Variants in NTM observed in about 807,000 individuals in gnomAD.
NTM encodes the protein neurotrimin, also known as IgLON family member 2.
NTM carries 13 observed loss-of-function variants against 42.1 expected under a neutral mutation model. The ratio of observed to expected loss-of-function variants is 0.31; its 90% CI spans 0.20 to 0.49. NTM has a LOEUF of 0.49. Among genes scored for constraint, NTM ranks in the 20% least tolerant of loss-of-function variants. The pLI is 0.99. For synonymous variants in NTM, 187 were observed against 179.2 expected (o/e 1.04, Z -0.35); for missense variants, 373 against 452.8 (o/e 0.82, Z 1.60).
chr11:131,941,409 G>A (rs987067222), intron 2 of NTM, among the ~76,000 whole-genome samples: 1 of 152,176 alleles, frequency 6.6e-6, no homozygotes, highest in African/African-American at 2.4e-5. Flanking sequence ...TTCAAATCCT[G>A]TCCATAGCAG....
At chr11:131,604,799 T>C (rs1033438098) in intron 1 of NTM, among the ~76,000 whole-genome samples, 3 of 151,960 alleles carry the variant, frequency 2.0e-5, no homozygotes, top group African/African-American at 7.3e-5. Context: ...AGCATCAGTT[T>C]TTAACAAACT....
chr11:132,230,389 A>T (rs1273237186), intron 4 of NTM, among the ~76,000 whole-genome samples: 1 of 152,220 alleles, frequency 6.6e-6, no homozygotes, highest in Non-Finnish European at 1.5e-5. Context: ...TGAGGTGCAG[A>T]AATGTTAGTT....
Position 131,381,585 on chromosome 11 carries a change from G to A in NTM, c.82+10697G>A, listed in dbSNP as rs555188888. ...TTCATACTGCTAACTCCTTGTCCAA[G>A]GTCAAATAATTTAATAATTAAATCC... is the stretch of plus-strand genomic sequence containing the variant. On this transcript the variant is annotated intron_variant, in intron 1 of 8. Coordinates refer to ENST00000683400, the MANE Select transcript of NTM (RefSeq NM_001352005.2). 1.3e-3 allele frequency among the ~76,000 whole-genome samples: 191 copies of A among 152,058 alleles called. 3 individuals carry two copies. The highest frequency in any genetic ancestry group is 3.3e-3 in the South Asian group (16 of 4,806).
chr11:131,940,930 C>T (rs565117795), intron 2 of NTM, among the ~76,000 whole-genome samples: 13 of 152,278 alleles, frequency 8.5e-5, no homozygotes, highest in African/African-American at 2.6e-4. Context: ...TTTCTTAATA[C>T]GGGTGCAAAT....
Position 132,320,223 on chromosome 11 carries a change from G to A in NTM, c.934+5520G>A, listed in dbSNP as rs144417265. ...CTGGTCTACAGCTCCCAGCCTGAGC[G>A]ACGCAGAAGATGGGTGATTTCTGCA... On this transcript the variant is annotated intron_variant, in intron 7 of 8. Coordinates refer to ENST00000683400, the MANE Select transcript of NTM (RefSeq NM_001352005.2). Among the ~76,000 whole-genome samples, 1,199 of 152,330 alleles carry A rather than the reference G, an allele frequency of 7.9e-3. 15 individuals are homozygous for A. Among genetic ancestry groups the A allele is most frequent in the African/African-American group, 0.027 (1,137 of 41,580 alleles).
chr11:131,661,090 G>C (rs191109652), intron 1 of NTM: 11 of 1,260,724 alleles, frequency 8.7e-6, no homozygotes, highest in South Asian at 1.3e-5. Context: ...ACAGACTGGT[G>C]GGGGGGTCTT....
chr11:132,284,014 C>T (rs2094119527), intron 4 of NTM, among the ~76,000 whole-genome samples: 1 of 152,178 alleles, frequency 6.6e-6, no homozygotes, highest in South Asian at 2.1e-4. Flanking sequence ...TGAGGCAATG[C>T]CCAGTGCTTG....
At chr11:131,670,401 CTTCT>C (rs1364984602) in intron 1 of NTM, among the ~76,000 whole-genome samples, 2 of 149,618 alleles carry the variant, frequency 1.3e-5, no homozygotes, top group South Asian at 2.1e-4. Flanking sequence ...TTCTTTCTTT[CTTCT>C]TTCTTTCTTA....
intron 1 of NTM, among the ~76,000 whole-genome samples, chr11:131,798,543 C>T (rs575440170): frequency 6.6e-6 from 1 of 152,290 alleles, no homozygotes; most frequent in South Asian, 2.1e-4. Context: ...TTACTATGTG[C>T]CATGTACTAT....
intron 4 of NTM, among the ~76,000 whole-genome samples, chr11:132,228,999 G>T (rs942297481): frequency 6.6e-6 from 1 of 152,158 alleles, no homozygotes; most frequent in African/African-American, 2.4e-5. Flanking sequence ...GCCTGAAAAT[G>T]AAGGTGGTTA....
rs960068219 is a variant in NTM at position 132,336,088 on chromosome 11, A to G, written c.*942A>G. The G allele has an allele frequency of 6.6e-6, 1 of 152,590 alleles. No homozygotes were observed. Among genetic ancestry groups the G allele is most frequent in the African/African-American group, 2.4e-5 (1 of 41,410 alleles). 9.5% of individuals were successfully genotyped at this position (152,590 alleles called of 1,614,324 possible). A position where few individuals can be genotyped will look rare whatever the true frequency, so the allele number is the denominator to read the frequency against. On this transcript the variant is annotated 3_prime_UTR_variant, in exon 9 of 9. Transcript: ENST00000683400. ...TCTTGCAGACAATACTATGCTCTCT[A>G]CACACTGTTTAGAAATGGAAAGGTG... is the stretch of plus-strand genomic sequence containing the variant.
intron 1 of NTM, chr11:131,794,993 G>A: frequency 1.0e-6 from 1 of 985,244 alleles, no homozygotes; most frequent in East Asian, 1.1e-4. Context: ...CCTTGGGCAG[G>A]CTACAGAAGT....
intron 2 of NTM, among the ~76,000 whole-genome samples, chr11:131,920,715 C>T (rs1389405769): frequency 1.3e-5 from 2 of 152,094 alleles, no homozygotes; most frequent in East Asian, 1.9e-4. Flanking sequence ...ATAAAATGAA[C>T]GTATGAACTA....
chr11:132,310,664 C>T (rs560289983), intron 6 of NTM, among the ~76,000 whole-genome samples: 10 of 152,238 alleles, frequency 6.6e-5, no homozygotes, highest in Admixed American at 5.9e-4. Flanking sequence ...TAGGTCTCCC[C>T]TCCTGTTCCA....
intron 2 of NTM, among the ~76,000 whole-genome samples, chr11:131,938,484 G>A (rs1593024249): frequency 6.6e-6 from 1 of 152,268 alleles, no homozygotes; most frequent in East Asian, 1.9e-4. Context: ...AGGTCACGGA[G>A]GTGGGCAGGG....
At chr11:131,801,791 C>T (rs1321732559) in intron 1 of NTM, among the ~76,000 whole-genome samples, 1 of 152,048 alleles carries the variant, frequency 6.6e-6, no homozygotes, top group Non-Finnish European at 1.5e-5. Flanking sequence ...GTGCTCTTCC[C>T]GTAACACGTT....
At chr11:131,707,445 G>T (rs1172801687) in intron 1 of NTM, among the ~76,000 whole-genome samples, 1 of 152,036 alleles carries the variant, frequency 6.6e-6, no homozygotes. Context: ...GAATAATTCT[G>T]CAAAGAACAT....
At chr11:131,727,482 C>T (rs1325336137) in intron 1 of NTM, among the ~76,000 whole-genome samples, 1 of 152,144 alleles carries the variant, frequency 6.6e-6, no homozygotes, top group Non-Finnish European at 1.5e-5. Context: ...GAGCCGCTTC[C>T]TGCAGCAGGA....
chr11:131,779,075 G>A (rs1181634002), intron 1 of NTM, among the ~76,000 whole-genome samples: 1 of 152,206 alleles, frequency 6.6e-6, no homozygotes, highest in Non-Finnish European at 1.5e-5. Context: ...GGGCTACGTG[G>A]CCAACAACCA....
Sources: gnomAD v4.1 joint callset for allele counts (sites outside exome capture counted in the v4.1 genomes callset) on GRCh38, gnomAD v4.1.1 for gene constraint, MANE v1.5 for transcripts, NCBI Gene and HGNC (gene_info 2026-07-23, HGNC 2026-07-21) for gene names.